The following FAM186A variants were observed in gnomAD, a reference collection of about 807,000 sequenced individuals.
The protein encoded by FAM186A is protein FAM186A.
In FAM186A, 163 loss-of-function variants were observed where a neutral mutation model predicts 216.8. The observed-to-expected ratio is 0.75, with a 90% CI of 0.66 to 0.86. The LOEUF is 0.86. FAM186A is among the 40% of genes least tolerant of loss of function. The probability of loss-of-function intolerance (pLI) is 0.00; values close to 1 mark genes in which losing one functional copy is unlikely to be tolerated. For missense variants in FAM186A, 2,184 were observed against 2,746.2 expected (o/e 0.80, Z 4.58); for synonymous variants, 805 against 1,025.3 (o/e 0.79, Z 4.10).
At chr12:50,365,038 CAAAAAAA>C (rs61497355) in intron 1 of FAM186A, among the ~76,000 whole-genome samples, 11 of 110,804 alleles carry the variant, frequency 9.9e-5, no homozygotes, top group African/African-American at 3.8e-4. Context: ...AACTCCGTCT[CAAAAAAA>C]AAAAAAAAAA....
chr12:50,347,875 C>T (rs1056595265), intron 4 of FAM186A, among the ~76,000 whole-genome samples: 36 of 152,052 alleles, frequency 2.4e-4, no homozygotes, highest in African/African-American at 8.4e-4. Context: ...CCTACATAAT[C>T]TGCCATCTCC....
Position 50,351,304 on chromosome 12 carries a change from G to GGA in FAM186A, c.5526_5527dup (p.Pro1843LeufsTer21). ...ACTTGGAATCTGTCCAGAAGTGGGT[G>GGA]GAACTCCAGCTATAAAGGGCTGCCC... On this transcript the variant is annotated frameshift_variant, in exon 4 of 8. Coordinates refer to ENST00000327337, the MANE Select transcript of FAM186A (RefSeq NM_001145475.3). LOFTEE classifies it high-confidence loss of function. 1.3e-6 allele frequency: 2 copies of GGA among 1,531,862 alleles called. No homozygotes were observed. The highest frequency in any genetic ancestry group is 1.8e-6 in the Non-Finnish European group (2 of 1,139,070). 94.9% of individuals were successfully genotyped at this position (1,531,862 alleles called of 1,614,324 possible). A position where few individuals can be genotyped will look rare whatever the true frequency, so the allele number is the denominator to read the frequency against.
At chr12:50,386,543 C>T (rs965709449) in intron 1 of FAM186A, among the ~76,000 whole-genome samples, 2 of 152,034 alleles carry the variant, frequency 1.3e-5, no homozygotes, top group African/African-American at 4.8e-5. Context: ...GTACACCACA[C>T]ATAAACCGTT....
chr12:50,380,825 G>C (rs929893789), intron 1 of FAM186A, among the ~76,000 whole-genome samples: 4 of 152,196 alleles, frequency 2.6e-5, no homozygotes, highest in Non-Finnish European at 4.4e-5. Flanking sequence ...AGCATTGCAG[G>C]CTGCACTCAG....
chr12:50,389,262 A>T (rs1943334495), intron 1 of FAM186A, among the ~76,000 whole-genome samples: 2 of 152,016 alleles, frequency 1.3e-5, no homozygotes, highest in Admixed American at 1.3e-4. Context: ...GCACTTTGGG[A>T]GGCCGAGGTG....
intron 4 of FAM186A, among the ~76,000 whole-genome samples, chr12:50,336,676 GA>G (rs1942711459): frequency 6.6e-6 from 1 of 152,128 alleles, no homozygotes; most frequent in Non-Finnish European, 1.5e-5. Context: ...GTAAGAAAAC[GA>G]AAGTTATATT....
chr12:50,377,924 G>A (rs1020578338), intron 1 of FAM186A, among the ~76,000 whole-genome samples: 3 of 151,744 alleles, frequency 2.0e-5, no homozygotes, highest in Non-Finnish European at 4.4e-5. Flanking sequence ...GAAAGATACT[G>A]TTAAGAAAAT....
Position 50,360,888 on chromosome 12 carries a change from C to T in FAM186A, c.451G>A (p.Glu151Lys). The stretch of plus-strand genomic sequence containing the variant: ...ATTTGTGCTATCCAGTGGTGGTGTT[C>T]ATCAACATCCATTAGAGTCATCTCA... ...LSEMTLMDVD[E>K]HHHWIAQMEL... The change falls in exon 3 of 8, where the codon GAA becomes AAA. Residue 151 changes from glutamate to lysine, a missense_variant. This residue lies in a region of FAM186A where 1,132 missense variants were observed against 1,263.4 expected (regional missense o/e 0.90). Transcript: ENST00000327337. The T allele has an allele frequency of 6.5e-7, 1 of 1,549,398 alleles. No homozygotes were observed. The highest frequency in any genetic ancestry group is 8.7e-7 in the Non-Finnish European group (1 of 1,146,370).
intron 6 of FAM186A, 132 bp downstream of exon 6, chr12:50,331,538 A>G (rs1363977204): frequency 8.2e-6 from 7 of 856,314 alleles, no homozygotes; most frequent in Non-Finnish European, 1.2e-5. Flanking sequence ...CACCGCGCCC[A>G]GCCTAATACT....
rs1358249618 is a variant in FAM186A at position 50,350,574 on chromosome 12, C to G, written c.6258G>C (p.Lys2086Asn). The G allele has an allele frequency of 1.3e-6, 2 of 1,551,480 alleles. No individual in the cohort carries two copies. Among genetic ancestry groups the G allele is most frequent in the East Asian group, 4.9e-5 (2 of 40,928 alleles). The change falls in exon 4 of 8, where the codon AAG (lysine) becomes AAC (asparagine). Residue 2086 changes from lysine to asparagine, a missense_variant. Physicochemically the swap from Lys to Asn is moderately conservative, Grantham distance 94 (BLOSUM62 0). Transcript: ENST00000327337. ...AAGGGGGCACCATTACTTTGGGTTT[C>G]TTGGTATCTGAAACTGAACTCAGTA... ...PWILSSVSDT[K>N]KPKVMVPPSS...
At chr12:50,377,180 G>C (rs1943206200) in intron 1 of FAM186A, among the ~76,000 whole-genome samples, 1 of 152,212 alleles carries the variant, frequency 6.6e-6, no homozygotes, top group Non-Finnish European at 1.5e-5. Context: ...CATCAGGACA[G>C]TATGGTATTG....
chr12:50,394,731 TC>T (rs1943396248), intron 1 of FAM186A, among the ~76,000 whole-genome samples: 2 of 104,030 alleles, frequency 1.9e-5, no homozygotes, highest in Admixed American at 1.3e-4. Context: ...TGGCTAACAC[TC>T]TTTTTTTTTT....
At chr12:50,334,954 A>G (rs1352288302) in intron 4 of FAM186A, among the ~76,000 whole-genome samples, 1 of 152,168 alleles carries the variant, frequency 6.6e-6, no homozygotes, top group Non-Finnish European at 1.5e-5. Context: ...GTTGCTTACA[A>G]TTATTTTAAT....
At chr12:50,378,218 C>T (rs1943217204) in intron 1 of FAM186A, among the ~76,000 whole-genome samples, 1 of 59,834 alleles carries the variant, frequency 1.7e-5, no homozygotes, top group Non-Finnish European at 3.4e-5. Flanking sequence ...GAGCGAAACT[C>T]CATCTCAAAA....
intron 7 of FAM186A, among the ~76,000 whole-genome samples, chr12:50,329,746 A>G (rs1472094148): frequency 6.6e-6 from 1 of 152,006 alleles, no homozygotes; most frequent in Non-Finnish European, 1.5e-5. Context: ...ACAGACGTAC[A>G]CCATCATGCC....
chr12:50,358,747 AT>A (rs1482148726), intron 3 of FAM186A, among the ~76,000 whole-genome samples: 2 of 151,518 alleles, frequency 1.3e-5, no homozygotes, highest in East Asian at 3.9e-4. Flanking sequence ...AGATGGTGAA[AT>A]TCCATCTCTA....
intron 1 of FAM186A, among the ~76,000 whole-genome samples, chr12:50,391,746 C>T (rs1460076958): frequency 1.3e-5 from 2 of 152,192 alleles, no homozygotes; most frequent in Non-Finnish European, 2.9e-5. Context: ...GCTGGGATTA[C>T]AGGCATGGGC....
intron 1 of FAM186A, chr12:50,392,414 G>C (rs1325397935): frequency 6.6e-6 from 1 of 152,420 alleles, no homozygotes; most frequent in African/African-American, 2.4e-5. Context: ...GAGTAGCTGG[G>C]ACTACAGGCG....
At chr12:50,373,094 GAAAA>G (rs1943165598) in intron 1 of FAM186A, among the ~76,000 whole-genome samples, 1 of 132,126 alleles carries the variant, frequency 7.6e-6, no homozygotes, top group Admixed American at 8.5e-5. Context: ...AAGAAAGAAA[GAAAA>G]GAAAGAAAGA....
Sources: gnomAD v4.1 joint callset for allele counts (sites outside exome capture counted in the v4.1 genomes callset) on GRCh38, gnomAD v4.1.1 for gene constraint, gnomAD v4.1.1 regional missense constraint, MANE v1.5 for transcripts, NCBI Gene and HGNC (gene_info 2026-07-23, HGNC 2026-07-21) for gene names.